The following AR variants were observed in gnomAD, a reference collection of about 807,000 sequenced individuals.
The protein encoded by AR is androgen receptor, also known as dihydrotestosterone receptor.
In AR, 8 loss-of-function variants were observed where a neutral mutation model predicts 53.9. The observed-to-expected ratio is 0.15, with a 90% CI of 0.09 to 0.27. AR has a LOEUF of 0.27. Ranked by LOEUF, AR falls within the 10% of genes least tolerant of loss-of-function variation. The pLI, the probability that AR is intolerant of heterozygous loss-of-function variation, is 1.00. For synonymous variants in AR, 359 were observed against 316.4 expected, an observed-to-expected ratio of 1.13 and a Z score of -1.43; for missense variants, 639 against 742.5, an observed-to-expected ratio of 0.86 and a Z score of 1.62.
At chrX:67,598,353 G>T (rs1007201202) in intron 1 of AR, among the ~76,000 whole-genome samples, 1 of 107,460 alleles carries the variant, frequency 9.3e-6, no homozygotes, top group African/African-American at 3.4e-5. Context: ...CACGATCTCG[G>T]CTCACTGCAA....
chrX:67,554,512 A>G (rs1452749541), intron 1 of AR, among the ~76,000 whole-genome samples: 1 of 112,145 alleles, frequency 8.9e-6, no homozygotes, highest in Non-Finnish European at 1.9e-5. Context: ...ACTCTAGGCT[A>G]AGGGTCATAG....
In AR at chrX:67,676,591, G is replaced by A. The variant is rs893809388; in HGVS notation, c.1769-9419G>A. On this transcript the variant is annotated intron_variant, in intron 2 of 7. Coordinates refer to ENST00000374690, the MANE Select transcript of AR (RefSeq NM_000044.6). Reference sequence around the variant, plus strand: ...TGTTTTAGTTGCAAGGTTACTAAAAGCCTGTGCAGGGTTTATGGCAAAAGT... The same window carrying A: ...TGTTTTAGTTGCAAGGTTACTAAAAACCTGTGCAGGGTTTATGGCAAAAGT... Among the ~76,000 whole-genome samples, 33 of 111,688 alleles carry A rather than the reference G, an allele frequency of 3.0e-4. 1 individual carries two copies. Among genetic ancestry groups the A allele is most frequent in the Admixed American group, 3.8e-4 (4 of 10,500 alleles).
At chrX:67,627,377 G>T (rs1443439413) in intron 1 of AR, among the ~76,000 whole-genome samples, 7 of 112,072 alleles carry the variant, frequency 6.2e-5, no homozygotes, top group Non-Finnish European at 1.1e-4. Context: ...TTCTCTGATG[G>T]CCAGTGATGG....
Position 67,691,494 on chromosome X carries a change from A to G in AR, c.1885+5368A>G, listed in dbSNP as rs2075995250. On this transcript the variant is annotated intron_variant, in intron 3 of 7. Coordinates refer to ENST00000374690, the MANE Select transcript of AR (RefSeq NM_000044.6). Reference sequence around the variant, plus strand: ...ACAGGTCCTGGTGAATACTGCGGTAAAGTAACCGAGGAGCTTTGTAACTCA... The same window carrying G: ...ACAGGTCCTGGTGAATACTGCGGTAGAGTAACCGAGGAGCTTTGTAACTCA... Among the ~76,000 whole-genome samples, 4 of 112,067 alleles carry G rather than the reference A, an allele frequency of 3.6e-5. No individual in the cohort carries two copies. In the South Asian group the frequency reaches 1.5e-3, roughly 41 times the overall value.
intron 1 of AR, among the ~76,000 whole-genome samples, chrX:67,607,433 T>C (rs1923683701): frequency 8.9e-6 from 1 of 112,271 alleles, no homozygotes; most frequent in South Asian, 3.7e-4. Context: ...CTTGTTGCTC[T>C]TCTTCTCTGA....
At chrX:67,714,288 A>G (rs979101248) in intron 4 of AR, among the ~76,000 whole-genome samples, 2 of 112,198 alleles carry the variant, frequency 1.8e-5, no homozygotes, top group African/African-American at 6.5e-5. Flanking sequence ...TACCTTTCAA[A>G]TTGTTGTCAA....
intron 1 of AR, among the ~76,000 whole-genome samples, chrX:67,631,606 T>C (rs1925122308): frequency 8.9e-6 from 1 of 112,041 alleles, no homozygotes; most frequent in African/African-American, 3.2e-5. Flanking sequence ...TAGCTTGGAG[T>C]AATTTGATTG....
chrX:67,677,666 C>T (rs928687506), intron 2 of AR, among the ~76,000 whole-genome samples: 1 of 111,463 alleles, frequency 9.0e-6, no homozygotes, highest in African/African-American at 3.3e-5. Flanking sequence ...TTCAAACTAA[C>T]AAAGCAAATG....
At position 67,630,592 on chromosome X, in the gene AR, C is replaced by T. The variant is rs1395304910; in HGVS notation, c.1617-12664C>T. Among the ~76,000 whole-genome samples, 4 of 111,046 alleles carry T rather than the reference C, an allele frequency of 3.6e-5. No homozygotes were observed. In the East Asian group the frequency reaches 1.1e-3, roughly 32 times the overall value. On this transcript the variant is annotated intron_variant, in intron 1 of 7. Coordinates refer to ENST00000374690, the MANE Select transcript of AR (RefSeq NM_000044.6). ...CACTGATGGGTCTTGACTCTTTATCCAATTTGCCAGTCTGTGTCTTTTAAT... is the reference window on the plus strand; with the variant it reads ...CACTGATGGGTCTTGACTCTTTATCTAATTTGCCAGTCTGTGTCTTTTAAT...
chrX:67,681,463 A>G (rs950515419), intron 2 of AR, among the ~76,000 whole-genome samples: 1 of 111,953 alleles, frequency 8.9e-6, no homozygotes, highest in Admixed American at 9.5e-5. Context: ...AATCACCCAC[A>G]CCATATTTCC....
intron 1 of AR, among the ~76,000 whole-genome samples, chrX:67,610,418 A>T (rs937055151): frequency 2.7e-5 from 3 of 110,718 alleles, no homozygotes; most frequent in Non-Finnish European, 5.7e-5. Flanking sequence ...GATAAAACTG[A>T]AAAAAAAGGT....
rs773708434 is a variant in AR, at chrX:67,717,510, G to A, written c.2206G>A (p.Ala736Thr). The A allele has an allele frequency of 2.0e-5, 24 of 1,211,915 alleles. No homozygotes were observed. Among genetic ancestry groups the A allele is most frequent in the Non-Finnish European group, 2.6e-5 (23 of 895,475 alleles). Reference sequence around the variant, plus strand: ...CAACTTACACGTGGACGACCAGATGGCTGTCATTCAGTACTCCTGGATGGG... The same window carrying A: ...CAACTTACACGTGGACGACCAGATGACTGTCATTCAGTACTCCTGGATGGG... The part of the protein sequence containing the change: ...FRNLHVDDQM[A>T]VIQYSWMGLM... Residue 736 changes from alanine (A) to threonine (T), a missense_variant, in exon 5 of 8, where the codon GCT becomes ACT. This residue lies in a region of AR where 95 missense variants were observed against 196.4 expected (regional missense o/e 0.48). Transcript: ENST00000374690.
In AR at chrX:67,729,274, A is replaced by G. The variant is rs1280083952; in HGVS notation, c.*5433A>G. The G allele has an allele frequency of 1.1e-5, 2 of 174,128 alleles. No homozygotes were observed. The highest frequency in any genetic ancestry group is 2.2e-5 in the Non-Finnish European group (2 of 91,287). The allele number at this position is 174,128 out of a possible 1,213,427, so 14.4% of individuals were successfully genotyped here. A position where few individuals can be genotyped will look rare whatever the true frequency, so the allele number is the denominator to read the frequency against. ...TGCAGGTCCATTTCTGCCCACAGGT[A>G]GGGTGTTTTTCTTTGATTAAGAGAT... On this transcript the variant is annotated 3_prime_UTR_variant, in exon 8 of 8. Coordinates refer to ENST00000374690, the MANE Select transcript of AR (RefSeq NM_000044.6).
intron 3 of AR, chrX:67,694,717 C>T (rs1436858333): frequency 2.6e-6 from 3 of 1,154,795 alleles, no homozygotes; most frequent in Non-Finnish European, 3.4e-6. Context: ...AATGACCAGA[C>T]CCTGAAGAAA....
At chrX:67,611,856 G>C (rs1364101458) in intron 1 of AR, among the ~76,000 whole-genome samples, 1 of 112,012 alleles carries the variant, frequency 8.9e-6, no homozygotes, top group Non-Finnish European at 1.9e-5. Flanking sequence ...GGAACTTCTA[G>C]CTCCTGATGT....
rs774985894 is a variant in AR, at chrX:67,717,557, C to T, written c.2253C>T (p.Gly751=). 42 of 1,212,053 alleles carry T rather than the reference C, an allele frequency of 3.5e-5. No homozygotes were observed. Among genetic ancestry groups the T allele is most frequent in the Non-Finnish European group, 4.7e-5 (42 of 895,517 alleles). Residue 751 remains glycine, a synonymous_variant, in exon 5 of 8, where the codon GGC becomes GGT. Transcript: ENST00000374690. ...SWMGLMVFAM[G]WRSFTNVNSR... ...TGGGGCTCATGGTGTTTGCCATGGG[C>T]TGGCGATCCTTCACCAATGTCAACT...
At chrX:67,662,834 A>G (rs1340505536) in intron 2 of AR, among the ~76,000 whole-genome samples, 9 of 111,201 alleles carry the variant, frequency 8.1e-5, no homozygotes, top group Non-Finnish European at 1.5e-4. Context: ...TATATTTAGG[A>G]TAGTTAGCTC....
rs994606478 is a variant in AR at position 67,643,424 on chromosome X, A to G, written c.1768+17A>G. The G allele has an allele frequency of 7.5e-6, 9 of 1,199,449 alleles. No individual in the cohort carries two copies. In the African/African-American group the frequency reaches 1.6e-4, roughly 21 times the overall value. ...CCGCTGAAGGTAAAGGGTCTTGCACATGCACTTCTCTTTCCCTTTCTCCTT... is the reference window on the plus strand; with the variant it reads ...CCGCTGAAGGTAAAGGGTCTTGCACGTGCACTTCTCTTTCCCTTTCTCCTT... On this transcript the variant is annotated intron_variant, in intron 2 of 7. Coordinates refer to ENST00000374690, the MANE Select transcript of AR (RefSeq NM_000044.6).
In AR at chrX:67,693,155, G is replaced by A. The variant is rs764475689; in HGVS notation, c.1885+7029G>A. ...TCTAATCATAAAAATTAATGATACC[G>A]CATATCTGATACTTGAATGAGTACC... On this transcript the variant is annotated intron_variant, in intron 3 of 7. Transcript: ENST00000374690. Among the ~76,000 whole-genome samples the A allele has an allele frequency of 1.3e-4, 15 of 112,468 alleles. No individual in the cohort carries two copies. In the East Asian group the frequency reaches 2.2e-3, roughly 17 times the overall value.
Sources: allele counts gnomAD v4.1 joint callset (sites outside exome capture counted in the v4.1 genomes callset), GRCh38; gene constraint gnomAD v4.1.1; regional missense constraint gnomAD v4.1.1; transcripts MANE v1.5; gene names NCBI Gene and HGNC (gene_info 2026-07-23, HGNC 2026-07-21).